Variants in B3GALT5 observed in about 807,000 individuals in gnomAD.
B3GALT5 encodes the protein beta-1,3-galactosyltransferase 5.
For synonymous variants in B3GALT5, 156 were observed against 158.6 expected (o/e 0.98, Z 0.12); for missense variants, 328 against 396.6 (o/e 0.83, Z 1.47).
chr21:39,638,984 G>T (rs113520969), intron 1 of B3GALT5, among the ~76,000 whole-genome samples: 2 of 152,294 alleles, frequency 1.3e-5, no homozygotes, highest in East Asian at 1.9e-4. Flanking sequence ...CCAGTTTCCC[G>T]TGTACAGCTC....
chr21:39,617,348 A>C (rs1423113888), intron 1 of B3GALT5, among the ~76,000 whole-genome samples: 1 of 152,216 alleles, frequency 6.6e-6, no homozygotes, highest in Non-Finnish European at 1.5e-5. Context: ...GAGACTGGGT[A>C]ATTTATAAAG....
At chr21:39,651,515 A>ATTTGGT (rs1393418938) in intron 2 of B3GALT5, among the ~76,000 whole-genome samples, 1 of 152,220 alleles carries the variant, frequency 6.6e-6, no homozygotes, top group Non-Finnish European at 1.5e-5. Flanking sequence ...CCCTGGAGAA[A>ATTTGGT]TACCCATCAT....
chr21:39,623,611 A>ACTTCTTTCC (rs2079149076), intron 1 of B3GALT5, among the ~76,000 whole-genome samples: 1 of 152,098 alleles, frequency 6.6e-6, no homozygotes, highest in African/African-American at 2.4e-5. Flanking sequence ...ATGGGCAGTT[A>ACTTCTTTCC]CTTCTTTCCA....
intron 1 of B3GALT5, among the ~76,000 whole-genome samples, chr21:39,620,708 A>G (rs1049853165): frequency 1.3e-5 from 2 of 152,212 alleles, no homozygotes; most frequent in Non-Finnish European, 2.9e-5. Flanking sequence ...TCAAAATAGC[A>G]TATGATAATA....
chr21:39,627,050 G>T (rs1333099894), intron 1 of B3GALT5, among the ~76,000 whole-genome samples: 1 of 152,126 alleles, frequency 6.6e-6, no homozygotes, highest in Non-Finnish European at 1.5e-5. Flanking sequence ...TACTGTGGAG[G>T]GGGGGATTTT....
At chr21:39,633,065 T>C (rs1240513150) in intron 1 of B3GALT5, among the ~76,000 whole-genome samples, 2 of 152,090 alleles carry the variant, frequency 1.3e-5, no homozygotes, top group African/African-American at 2.4e-5. Flanking sequence ...CATTGGAAAA[T>C]GATGATTGCA....
At chr21:39,645,498 A>T (rs533480048) in intron 1 of B3GALT5, among the ~76,000 whole-genome samples, 1 of 152,250 alleles carries the variant, frequency 6.6e-6, no homozygotes, top group East Asian at 1.9e-4. Flanking sequence ...GTTTCCTCAC[A>T]TCTGGAAAAT....
rs952566255 is a variant in B3GALT5, at chr21:39,662,336, C to G, written c.*844C>G. 1.2e-5 allele frequency: 2 copies of G among 167,128 alleles called. No homozygotes were observed. Among genetic ancestry groups the G allele is most frequent in the South Asian group, 4.1e-4 (2 of 4,828 alleles). 10.4% of individuals were successfully genotyped at this position (167,128 alleles called of 1,614,324 possible). A position where few individuals can be genotyped will look rare whatever the true frequency, so the allele number is the denominator to read the frequency against. On this transcript the variant is annotated 3_prime_UTR_variant, in exon 4 of 4. Transcript: ENST00000684187. Reference sequence around the variant, plus strand: ...ATCTGCTGCTCTCTCATTTCATCACCCCAACTGTCCCTTGTTTTTGATCAA... The same window carrying G: ...ATCTGCTGCTCTCTCATTTCATCACGCCAACTGTCCCTTGTTTTTGATCAA...
intron 1 of B3GALT5, among the ~76,000 whole-genome samples, chr21:39,637,597 G>T (rs929660723): frequency 2.0e-5 from 3 of 152,212 alleles, no homozygotes; most frequent in Non-Finnish European, 4.4e-5. Flanking sequence ...CCCCGCCCAG[G>T]GCTTCTTTCC....
Position 39,660,688 on chromosome 21 carries a change from C to CT in B3GALT5, c.131dup (p.Leu45ProfsTer2). On this transcript the variant is annotated frameshift_variant, in exon 4 of 4. Coordinates refer to ENST00000684187, the MANE Select transcript of B3GALT5 (RefSeq NM_001356336.2). LOFTEE classifies it low-confidence loss of function (END_TRUNC). ...CCTTTGTTTACAAGAAAGACGGGAACTTCCTTAAGCTCCCAGATACAGACT... is the reference window on the plus strand; with the variant it reads ...CCTTTGTTTACAAGAAAGACGGGAACTTTCCTTAAGCTCCCAGATACAGACT... 3 of 1,558,350 alleles carry CT rather than the reference C, an allele frequency of 1.9e-6. No homozygotes were observed. The highest frequency in any genetic ancestry group is 2.6e-6 in the Non-Finnish European group (3 of 1,154,100).
At position 39,612,946 on chromosome 21, in the gene B3GALT5, G is replaced by A. The variant is rs2079087296; in HGVS notation, c.-513G>A. 1 of 151,774 alleles carries A rather than the reference G, an allele frequency of 6.6e-6. No individual in the cohort carries two copies. Among genetic ancestry groups the A allele is most frequent in the African/African-American group, 2.4e-5 (1 of 41,394 alleles). 9.4% of individuals were successfully genotyped at this position (151,774 alleles called of 1,614,324 possible). ...CGGAGCGGGGAGCAAAACCATCCTC[G>A]GCCTGGACCCAGCGCCTCCGGGGAC... On this transcript the variant is annotated 5_prime_UTR_variant, in exon 1 of 4. Coordinates refer to ENST00000684187, the MANE Select transcript of B3GALT5 (RefSeq NM_001356336.2).
At position 39,660,802 on chromosome 21, in the gene B3GALT5, G is replaced by T; in HGVS notation, c.243G>T (p.Gly81=). The change falls in exon 4 of 4, where the codon GGG becomes GGT. Residue 81 remains glycine (G), a synonymous_variant. Transcript: ENST00000684187. The part of the protein sequence containing the change: ...AERMAIRQTW[G]KERMVKGKQL... Reference sequence around the variant, plus strand: ...GCATGGCCATCCGGCAGACGTGGGGGAAAGAGAGGATGGTGAAGGGAAAGC... The same window carrying T: ...GCATGGCCATCCGGCAGACGTGGGGTAAAGAGAGGATGGTGAAGGGAAAGC... The T allele has an allele frequency of 6.3e-7, 1 of 1,587,176 alleles. No individual in the cohort carries two copies. The highest frequency in any genetic ancestry group is 8.6e-7 in the Non-Finnish European group (1 of 1,166,606).
rs76639945 is a variant in B3GALT5, at chr21:39,630,368, G to A, written c.-391-16024G>A. 2.6e-5 allele frequency: 4 copies of A among 152,168 alleles called. 1 individual carries two copies. In the East Asian group the frequency reaches 7.7e-4, roughly 29 times the overall value. 9.4% of individuals were successfully genotyped at this position (152,168 alleles called of 1,614,324 possible). On this transcript the variant is annotated intron_variant, in intron 1 of 3. Transcript: ENST00000684187. ...TCTGCAAGAAACCCAAATGTTGGAG[G>A]GGGGTTTTCCAAGCGTCAGAGTCTT...
rs1054584519 is a variant in B3GALT5 at position 39,671,968 on chromosome 21, A to G, written c.*10476A>G. On this transcript the variant is annotated 3_prime_UTR_variant, in exon 4 of 4. Transcript: ENST00000684187. ...GCACCTGCCAATCGGAAGACTGACA[A>G]ACAAAAAATTAGTTTTTAATTAATT... 11 of 152,256 alleles carry G rather than the reference A, an allele frequency of 7.2e-5. No individual in the cohort carries two copies. Among genetic ancestry groups the G allele is most frequent in the African/African-American group, 2.7e-4 (11 of 41,462 alleles). 9.4% of individuals were successfully genotyped at this position (152,256 alleles called of 1,614,324 possible).
At chr21:39,659,708 A>AT in intron 2 of B3GALT5, 45 bp from the exon 3 acceptor site, 1 of 972,622 alleles carries the variant, frequency 1.0e-6, no homozygotes, top group East Asian at 1.1e-4. Context: ...GCCTGCTGGT[A>AT]AGGCACGAGT....
Position 39,665,752 on chromosome 21 carries a change from C to G in B3GALT5, c.*4260C>G, listed in dbSNP as rs1337636528. The G allele has an allele frequency of 1.3e-5, 2 of 152,264 alleles. No homozygotes were observed. The highest frequency in any genetic ancestry group is 2.9e-5 in the Non-Finnish European group (2 of 68,052). 9.4% of individuals were successfully genotyped at this position (152,264 alleles called of 1,614,324 possible). On this transcript the variant is annotated 3_prime_UTR_variant, in exon 4 of 4. Coordinates refer to ENST00000684187, the MANE Select transcript of B3GALT5 (RefSeq NM_001356336.2). Reference sequence around the variant, plus strand: ...CTGACCTCCCTGTAGGAAAATGCAACTCACCTCACTCCCATGCCCCGTACC... The same window carrying G: ...CTGACCTCCCTGTAGGAAAATGCAAGTCACCTCACTCCCATGCCCCGTACC...
chr21:39,659,932 AATGTTATAACGTTACC>A lies in B3GALT5; in HGVS notation c.-1+24_-1+39del. The A allele has an allele frequency of 1.0e-6, 1 of 983,694 alleles. No homozygotes were observed. The highest frequency in any genetic ancestry group is 1.2e-6 in the Non-Finnish European group (1 of 828,380). The allele number at this position is 983,694 out of a possible 1,614,324, so 60.9% of individuals were successfully genotyped here. A position where few individuals can be genotyped will look rare whatever the true frequency, so the allele number is the denominator to read the frequency against. ...CAAAAAGTGAGTTATACGCTTTCTT[AATGTTATAACGTTACC>A]ATGGATGATCCTGAACTTGCCGAGG... On this transcript the variant is annotated intron_variant, in intron 3 of 3. Coordinates refer to ENST00000684187, the MANE Select transcript of B3GALT5 (RefSeq NM_001356336.2).
intron 3 of B3GALT5, 52 bp downstream of exon 3, chr21:39,659,964 C>CTAGACACATCCTCATGCT: frequency 1.0e-6 from 1 of 960,110 alleles, no homozygotes; most frequent in Non-Finnish European, 1.2e-6. Context: ...TGATCCTGAA[C>CTAGACACATCCTCATGCT]TTGCCGAGGA....
intron 1 of B3GALT5, among the ~76,000 whole-genome samples, chr21:39,625,702 G>T (rs572760071): frequency 6.6e-6 from 1 of 152,266 alleles, no homozygotes; most frequent in Admixed American, 6.5e-5. Context: ...TCTCACCCCC[G>T]CAGGGGCGCA....
Sources: gnomAD v4.1 joint callset for allele counts (sites outside exome capture counted in the v4.1 genomes callset) on GRCh38, gnomAD v4.1.1 for gene constraint, MANE v1.5 for transcripts, NCBI Gene and HGNC (gene_info 2026-07-23, HGNC 2026-07-21) for gene names.